The following LDHA variants were observed in gnomAD, a reference collection of about 807,000 sequenced individuals.
LDHA encodes the protein L-lactate dehydrogenase A chain.
A neutral mutation model predicts 36.3 loss-of-function variants in LDHA; 10 were observed. The ratio of observed to expected loss-of-function variants is 0.28; its 90% CI spans 0.17 to 0.47. LDHA has a LOEUF of 0.47. Among genes scored for constraint, LDHA ranks in the 20% least tolerant of loss-of-function variants. The probability of loss-of-function intolerance (pLI) is 0.99; values close to 1 mark genes in which losing one functional copy is unlikely to be tolerated. For missense variants in LDHA, 267 were observed against 405.8 expected, an observed-to-expected ratio of 0.66 and a Z score of 2.94; for synonymous variants, 110 against 136.7, an observed-to-expected ratio of 0.80 and a Z score of 1.36.
At chr11:18,400,438 C>A in intron 3 of LDHA, 1 of 5,586 alleles carries the variant, frequency 1.8e-4, no homozygotes, top group South Asian at 6.3e-3. Flanking sequence ...ACCACACACA[C>A]ACACACACAC....
At position 18,394,635 on chromosome 11, in the gene LDHA, C is replaced by G; in HGVS notation, c.-26C>G. On this transcript the variant is annotated splice_region_variant and 5_prime_UTR_variant, in exon 1 of 8. Coordinates refer to ENST00000422447, the MANE Select transcript of LDHA (RefSeq NM_005566.4). ...CCGACGACCGCCCGACGTGCATTCC[C>G]GGTACGGTAGGGCCCTGCGCGCACG... 2.2e-6 allele frequency: 1 copy of G among 454,110 alleles called. No homozygotes were observed. The allele number at this position is 454,110 out of a possible 1,614,324, so 28.1% of individuals were successfully genotyped here. A position where few individuals can be genotyped will look rare whatever the true frequency, so the allele number is the denominator to read the frequency against.
chr11:18,405,765 T>C (rs1396640455), intron 7 of LDHA, 193 bp downstream of exon 7: 1 of 582,412 alleles, frequency 1.7e-6, no homozygotes, highest in African/African-American at 1.9e-5. Flanking sequence ...GTTCAACACA[T>C]AGATACTTGA....
intron 5 of LDHA, 97 bp downstream of exon 5, chr11:18,403,110 C>A: frequency 1.0e-6 from 1 of 998,730 alleles, no homozygotes; most frequent in Non-Finnish European, 1.5e-6. Flanking sequence ...AATATCCATT[C>A]AGTAGGATGG....
intron 7 of LDHA, 93 bp from the exon 8 acceptor site, chr11:18,407,024 A>C: frequency 1.9e-6 from 2 of 1,034,384 alleles, no homozygotes; most frequent in Non-Finnish European, 2.8e-6. Flanking sequence ...ATTAAAAAAA[A>C]AAAGCTTTAT....
intron 3 of LDHA, chr11:18,399,789 C>T (rs890965425): frequency 1.1e-5 from 5 of 447,372 alleles, no homozygotes; most frequent in East Asian, 4.6e-5. Context: ...GAGATGGGGA[C>T]CCACTGTGTT....
intron 7 of LDHA, among the ~76,000 whole-genome samples, chr11:18,406,185 C>T (rs1004013302): frequency 6.6e-6 from 1 of 151,984 alleles, no homozygotes; most frequent in Non-Finnish European, 1.5e-5. Flanking sequence ...AGGCTGGTCT[C>T]GAACTCCTGA....
rs201254300 is a variant in LDHA, at chr11:18,399,526, A to G, written c.222A>G (p.Thr74=). 43 of 1,607,390 alleles carry G rather than the reference A, an allele frequency of 2.7e-5. No individual in the cohort carries two copies. Among genetic ancestry groups the G allele is most frequent in the Non-Finnish European group, 3.4e-5 (40 of 1,174,002 alleles). ...DLQHGSLFLR[T]PKIVSGKDYN... ...AACATGGCAGCCTTTTCCTTAGAAC[A>G]CCAAAGATTGTCTCTGGCAAAGGTT... The change falls in exon 3 of 8, where the codon ACA becomes ACG. Residue 74 remains threonine (T), a synonymous_variant. Coordinates refer to ENST00000422447, the MANE Select transcript of LDHA (RefSeq NM_005566.4).
At chr11:18,399,689 T>C in intron 3 of LDHA, 141 bp downstream of exon 3, 1 of 712,720 alleles carries the variant, frequency 1.4e-6, no homozygotes, top group Non-Finnish European at 2.6e-6. Context: ...CAAGCAATCC[T>C]CCTTCCACTT....
At chr11:18,400,548 A>G in intron 3 of LDHA, 1 of 412,456 alleles carries the variant, frequency 2.4e-6, no homozygotes, top group South Asian at 2.0e-5. Context: ...GAAGAGTGTG[A>G]ACGTTGAGCT....
chr11:18,397,055 T>G, intron 2 of LDHA, 87 bp downstream of exon 2: 1 of 1,182,732 alleles, frequency 8.5e-7, no homozygotes, highest in Non-Finnish European at 1.3e-6. Flanking sequence ...ATTATTACAT[T>G]TCATGTAACA....
chr11:18,398,051 C>T (rs561245685), intron 2 of LDHA, among the ~76,000 whole-genome samples: 383 of 152,160 alleles, frequency 2.5e-3, no homozygotes, highest in African/African-American at 8.8e-3. Flanking sequence ...ACCTACAAAC[C>T]GCCTATGTTT....
At position 18,394,751 on chromosome 11, in the gene LDHA, G is replaced by C. The variant is rs1969565; in HGVS notation, c.-25+115G>C. ...GGGATTCCTGCTCCCGGGAGGTGTA[G>C]GAGCCGCTTTCCAGAAGCACAGCCC... On this transcript the variant is annotated intron_variant, in intron 1 of 7. Transcript: ENST00000422447. 7.5e-3 allele frequency: 3,289 copies of C among 437,108 alleles called. 96 individuals carry two copies. Among genetic ancestry groups the C allele is most frequent in the African/African-American group, 0.059 (2,948 of 49,726 alleles). 27.1% of individuals were successfully genotyped at this position (437,108 alleles called of 1,614,324 possible).
chr11:18,397,030 T>C, intron 2 of LDHA, 62 bp downstream of exon 2: 3 of 1,395,988 alleles, frequency 2.1e-6, no homozygotes, highest in Admixed American at 3.4e-5. Context: ...CCCCCACTCC[T>C]ACCCCTAGAA....
In LDHA at chr11:18,405,384, TTTG is replaced by T. The variant is rs1866649672; in HGVS notation, c.711-62_711-60del. The T allele has an allele frequency of 1.1e-5, 17 of 1,549,328 alleles. 1 individual carries two copies. The South Asian group carries it at 1.6e-4, about 14-fold the overall frequency. On this transcript the variant is annotated intron_variant, in intron 6 of 7. Coordinates refer to ENST00000422447, the MANE Select transcript of LDHA (RefSeq NM_005566.4). ...CTGTAAAATGTGTATTAATGAAAAC[TTTG>T]TTTTTCTTTCTTTCTCCCACCCTGC... is the stretch of plus-strand genomic sequence containing the variant.
At chr11:18,400,587 G>T in intron 3 of LDHA, 1 of 533,036 alleles carries the variant, frequency 1.9e-6, no homozygotes. Context: ...GGATATGTAA[G>T]AAATTAATAG....
At chr11:18,399,620 T>C in intron 3 of LDHA, 72 bp downstream of exon 3, 1 of 1,166,414 alleles carries the variant, frequency 8.6e-7, no homozygotes, top group Admixed American at 1.7e-5. Context: ...CTCCATTTGT[T>C]GCTTAGGGTA....
At position 18,407,470 on chromosome 11, in the gene LDHA, T is replaced by A; in HGVS notation, c.*189T>A. 5.2e-6 allele frequency: 6 copies of A among 1,162,082 alleles called. No homozygotes were observed. Among genetic ancestry groups the A allele is most frequent in the Non-Finnish European group, 7.5e-6 (6 of 797,200 alleles). 72.0% of individuals were successfully genotyped at this position (1,162,082 alleles called of 1,614,324 possible). A position where few individuals can be genotyped will look rare whatever the true frequency, so the allele number is the denominator to read the frequency against. ...AAAATCCACAGCTATATCCTGATGC[T>A]GGATGGTATTAATCTTGTGTAGTCT... On this transcript the variant is annotated 3_prime_UTR_variant, in exon 8 of 8. Coordinates refer to ENST00000422447, the MANE Select transcript of LDHA (RefSeq NM_005566.4).
Position 18,394,621 on chromosome 11 carries a change from C to T in LDHA, c.-40C>T. 2.2e-6 allele frequency: 1 copy of T among 454,168 alleles called. No homozygotes were observed. The highest frequency in any genetic ancestry group is 2.0e-5 in the African/African-American group (1 of 50,152). The allele number at this position is 454,168 out of a possible 1,614,324, so 28.1% of individuals were successfully genotyped here. On this transcript the variant is annotated 5_prime_UTR_variant, in exon 1 of 8. Transcript: ENST00000422447. Reference sequence around the variant, plus strand: ...ATTGCCACGCGCCCCCGACGACCGCCCGACGTGCATTCCCGGTACGGTAGG... The same window carrying T: ...ATTGCCACGCGCCCCCGACGACCGCTCGACGTGCATTCCCGGTACGGTAGG...
intron 3 of LDHA, chr11:18,400,508 G>C: frequency 2.7e-6 from 1 of 375,518 alleles, no homozygotes; most frequent in Non-Finnish European, 5.1e-6. Context: ...TGGGCTGATA[G>C]GACACCAGTT....
Sources: gnomAD v4.1 joint callset for allele counts (sites outside exome capture counted in the v4.1 genomes callset) on GRCh38, gnomAD v4.1.1 for gene constraint, MANE v1.5 for transcripts, NCBI Gene and HGNC (gene_info 2026-07-23, HGNC 2026-07-21) for gene names.